Variants in LMTK2 observed in about 807,000 individuals in gnomAD.
The protein encoded by LMTK2 is serine/threonine-protein kinase LMTK2.
Under a neutral mutation model 127.5 loss-of-function variants are expected in LMTK2, and 37 were observed. The observed-to-expected ratio is 0.29, with a 90% CI of 0.22 to 0.38. The LOEUF (loss-of-function observed/expected upper bound fraction) is 0.38. LMTK2 is among the 10% of genes least tolerant of loss of function. The pLI is 1.00. For synonymous variants in LMTK2, 819 were observed against 810.1 expected, an observed-to-expected ratio of 1.01 and a Z score of -0.19; for missense variants, 1,694 against 1,920.3, an observed-to-expected ratio of 0.88 and a Z score of 2.20.
rs147007139 is a variant in LMTK2, at chr7:98,194,191, G to C, written c.3726G>C (p.Ala1242=). 1.3e-5 allele frequency: 21 copies of C among 1,613,834 alleles called. No homozygotes were observed. Among genetic ancestry groups the C allele is most frequent in the Non-Finnish European group, 1.7e-5 (20 of 1,180,014 alleles). The part of the protein sequence containing the change: ...TNELLAYTNS[A]LDKSLSSHSE... ...AACTCCTTGCCTACACCAATTCTGC[G>C]CTGGACAAGTCCCTGTCCAGCCACT... is the stretch of plus-strand genomic sequence containing the variant. The change falls in exon 11 of 14, where the codon GCG becomes GCC. Residue 1242 remains alanine, a synonymous_variant. Transcript: ENST00000297293. This position sits in a 1 kb window ranked among gnomAD's most constrained non-coding sequence, Gnocchi z 5.4.
chr7:98,193,610 G>A lies in LMTK2; in HGVS notation c.3145G>A (p.Glu1049Lys), dbSNP rs868433407. Residue 1049 changes from glutamate to lysine, a missense_variant, in exon 11 of 14, where the codon GAG becomes AAG. Around this residue, in one of 8 missense-constraint regions of LMTK2, gnomAD observed 65 missense variants for 116.5 expected, o/e 0.56. Transcript: ENST00000297293. This position sits in a 1 kb window ranked among gnomAD's most constrained non-coding sequence, Gnocchi z 4.1. Reference sequence around the variant, plus strand: ...CGAGTGGACCTTGCATCCCGCTCCCGAGGGCACCGCAGACTCAGAACCAGC... The same window carrying A: ...CGAGTGGACCTTGCATCCCGCTCCCAAGGGCACCGCAGACTCAGAACCAGC... ...SPEWTLHPAP[E>K]GTADSEPATT... 9.9e-6 allele frequency: 16 copies of A among 1,613,976 alleles called. No homozygotes were observed. The highest frequency in any genetic ancestry group is 2.2e-5 in the South Asian group (2 of 91,068).
At chr7:98,205,039 C>T (rs1243597958) in intron 13 of LMTK2, among the ~76,000 whole-genome samples, 7 of 152,216 alleles carry the variant, frequency 4.6e-5, no homozygotes. Context: ...CATAGGGAGC[C>T]TTCTTTCCCC....
chr7:98,143,828 C>G (rs1352923728), intron 3 of LMTK2, among the ~76,000 whole-genome samples: 3 of 152,098 alleles, frequency 2.0e-5, no homozygotes. Flanking sequence ...TATGCATGTA[C>G]AAAGGAATTT....
chr7:98,159,378 T>C lies in LMTK2; in HGVS notation c.610T>C (p.Cys204Arg), dbSNP rs1350788089. ...AAATATTCTTCAGTGTGTTGGACAG[T>C]GCGTAGAAGCGATTCCCTACCTCCT... ...HPNILQCVGQ[C>R]VEAIPYLLVF... Residue 204 changes from cysteine to arginine, a missense_variant, in exon 6 of 14, where the codon TGC becomes CGC. Cys to Arg is a radical substitution (Grantham distance 180). Transcript: ENST00000297293. The C allele has an allele frequency of 5.0e-6, 8 of 1,612,764 alleles. No individual in the cohort carries two copies. The African/African-American group carries it at 9.3e-5, about 19-fold the overall frequency.
intron 3 of LMTK2, among the ~76,000 whole-genome samples, chr7:98,150,371 G>C (rs905359280): frequency 6.6e-6 from 1 of 151,770 alleles, no homozygotes; most frequent in African/African-American, 2.4e-5. Flanking sequence ...GAATGGCTAA[G>C]ATGAATAAGA....
intron 1 of LMTK2, among the ~76,000 whole-genome samples, chr7:98,121,020 G>A (rs1175129198): frequency 2.6e-5 from 4 of 152,276 alleles, no homozygotes; most frequent in East Asian, 1.9e-4. Flanking sequence ...TGTTGGGACC[G>A]TAAATCCTAG....
At chr7:98,167,698 C>T (rs1797121895) in intron 6 of LMTK2, among the ~76,000 whole-genome samples, 1 of 152,150 alleles carries the variant, frequency 6.6e-6, no homozygotes, top group Non-Finnish European at 1.5e-5. Context: ...GAAGTTGAGT[C>T]AGGAGATGAG....
intron 11 of LMTK2, among the ~76,000 whole-genome samples, chr7:98,196,625 A>G (rs1383596482): frequency 6.6e-6 from 1 of 152,192 alleles, no homozygotes; most frequent in Non-Finnish European, 1.5e-5. Flanking sequence ...TCCCAGTGGA[A>G]GCAGCCTGTG....
intron 4 of LMTK2, among the ~76,000 whole-genome samples, chr7:98,152,777 G>A (rs1796876255): frequency 6.6e-6 from 1 of 152,234 alleles, no homozygotes; most frequent in Middle Eastern, 3.4e-3. Flanking sequence ...TTTTTAAAAG[G>A]ATCACTCTGG....
chr7:98,118,918 G>A (rs958056381), intron 1 of LMTK2, among the ~76,000 whole-genome samples: 1 of 151,870 alleles, frequency 6.6e-6, no homozygotes, highest in African/African-American at 2.4e-5. Context: ...TGGTGAAACC[G>A]CGTCTCTACT....
chr7:98,155,965 C>T (rs923425218), intron 5 of LMTK2, among the ~76,000 whole-genome samples: 1 of 151,900 alleles, frequency 6.6e-6, no homozygotes, highest in African/African-American at 2.4e-5. Flanking sequence ...CTGGAAACCA[C>T]GTAGCTGACA....
chr7:98,190,337 T>C (rs1423098070), intron 9 of LMTK2, among the ~76,000 whole-genome samples: 2 of 152,226 alleles, frequency 1.3e-5, no homozygotes, highest in Non-Finnish European at 2.9e-5. Flanking sequence ...ATCTCAGCAC[T>C]TTGGAAGGCC....
chr7:98,204,902 C>G (rs1029839391), intron 13 of LMTK2, among the ~76,000 whole-genome samples: 2 of 152,322 alleles, frequency 1.3e-5, no homozygotes, highest in East Asian at 3.9e-4. Context: ...GACTTGGGAC[C>G]AGCCCACATG....
rs757856066 is a variant in LMTK2, at chr7:98,191,712, G to A, written c.1247G>A (p.Arg416Gln). ...ACTTACCTGCGGCTGCAGAGCCAGC[G>A]GGACTCAGAGGTCGACTTTGAACAG... is the stretch of plus-strand genomic sequence containing the variant. ...LLTYLRLQSQ[R>Q]DSEVDFEQQW... Residue 416 changes from arginine (R) to glutamine (Q), a missense_variant, in exon 11 of 14, where the codon CGG becomes CAG. Arg to Gln is a conservative substitution (Grantham distance 43, BLOSUM62 1). Transcript: ENST00000297293. 5.0e-6 allele frequency: 8 copies of A among 1,614,070 alleles called. No individual in the cohort carries two copies. The highest frequency in any genetic ancestry group is 2.7e-5 in the African/African-American group (2 of 74,932).
intron 1 of LMTK2, among the ~76,000 whole-genome samples, chr7:98,127,020 C>T (rs796479072): frequency 7.9e-5 from 12 of 152,266 alleles, no homozygotes; most frequent in African/African-American, 2.9e-4. Context: ...TTCCCTTTTC[C>T]TTTCCTATAT....
At chr7:98,197,929 G>T (rs563576816) in intron 11 of LMTK2, among the ~76,000 whole-genome samples, 1 of 152,162 alleles carries the variant, frequency 6.6e-6, no homozygotes, top group Non-Finnish European at 1.5e-5. Context: ...TTTGTTTGCT[G>T]GCACTGTCTT....
intron 5 of LMTK2, among the ~76,000 whole-genome samples, chr7:98,157,716 G>A (rs1402885985): frequency 6.6e-6 from 1 of 150,946 alleles, no homozygotes; most frequent in Non-Finnish European, 1.5e-5. Context: ...TATGTTGAGT[G>A]AAAAAATCAA....
At chr7:98,191,533 CAG>C (rs1280117976) in intron 10 of LMTK2, 79 bp from the exon 11 acceptor site, 1 of 1,168,460 alleles carries the variant, frequency 8.6e-7, no homozygotes, top group African/African-American at 1.6e-5. Flanking sequence ...GACTGGGTGA[CAG>C]AGCAAGACTC....
intron 1 of LMTK2, among the ~76,000 whole-genome samples, chr7:98,132,010 TGAGCCTG>T (rs971318695): frequency 9.9e-5 from 15 of 152,210 alleles, no homozygotes; most frequent in African/African-American, 3.1e-4. Context: ...CTATAAAAGA[TGAGCCTG>T]GAACAACCCA....
Sources: gnomAD v4.1 joint callset for allele counts (sites outside exome capture counted in the v4.1 genomes callset) on GRCh38, gnomAD v4.1.1 for gene constraint, gnomAD v4.1.1 regional missense constraint, Gnocchi (gnomAD v3.1) non-coding constraint, MANE v1.5 for transcripts, NCBI Gene and HGNC (gene_info 2026-07-23, HGNC 2026-07-21) for gene names.